Variants in RBFOX1 observed in about 807,000 individuals in gnomAD.
RBFOX1 encodes the protein RNA binding protein fox-1 homolog 1.
RBFOX1 carries 8 observed loss-of-function variants against 57.7 expected under a neutral mutation model. The ratio of observed to expected loss-of-function variants is 0.14; its 90% CI spans 0.08 to 0.25. The LOEUF (loss-of-function observed/expected upper bound fraction) is 0.25. Among genes scored for constraint, RBFOX1 ranks in the 10% least tolerant of loss-of-function variants. The pLI is 1.00. For synonymous variants in RBFOX1, 326 were observed against 222.4 expected, an observed-to-expected ratio of 1.47 and a Z score of -4.15; for missense variants, 611 against 548.5, an observed-to-expected ratio of 1.11 and a Z score of -1.14.
chr16:7,393,695 A>C (rs899779868), intron 4 of RBFOX1, among the ~76,000 whole-genome samples: 5 of 152,058 alleles, frequency 3.3e-5, no homozygotes, highest in Non-Finnish European at 7.4e-5. Context: ...TATTTCACTG[A>C]GTCTTATCCC....
intron 2 of RBFOX1, among the ~76,000 whole-genome samples, chr16:6,434,570 C>A (rs938689698): frequency 6.6e-6 from 1 of 152,164 alleles, no homozygotes; most frequent in Non-Finnish European, 1.5e-5. Context: ...GAAGCAACTT[C>A]TAAAATAGAA....
intron 3 of RBFOX1, among the ~76,000 whole-genome samples, chr16:6,696,527 G>C (rs762286884): frequency 1.3e-5 from 2 of 152,154 alleles, no homozygotes; most frequent in Non-Finnish European, 2.9e-5. Context: ...ATTAGATGGA[G>C]AACTTCAAAT....
intron 3 of RBFOX1, among the ~76,000 whole-genome samples, chr16:6,808,734 C>G (rs570162314): frequency 1.3e-5 from 2 of 152,238 alleles, no homozygotes; most frequent in South Asian, 4.2e-4. Flanking sequence ...CTGTTCTTTT[C>G]TCCACAGACA....
chr16:7,691,286 G>A (rs1287680388), intron 14 of RBFOX1, among the ~76,000 whole-genome samples: 2 of 151,818 alleles, frequency 1.3e-5, no homozygotes, highest in African/African-American at 2.4e-5. Context: ...GTCAAAGGGA[G>A]TAGTCCCTTT....
At chr16:5,751,616 C>G (rs1453994281) in intron 3 of RBFOX1, among the ~76,000 whole-genome samples, 2 of 152,124 alleles carry the variant, frequency 1.3e-5, no homozygotes, top group Admixed American at 1.3e-4. Flanking sequence ...TACTGGAGAG[C>G]AGAACCGCAT....
chr16:5,855,938 T>C (rs914373390), intron 3 of RBFOX1, among the ~76,000 whole-genome samples: 11 of 149,740 alleles, frequency 7.3e-5, no homozygotes, highest in Middle Eastern at 3.5e-3. Context: ...TACACGTCTT[T>C]CAACTCTTTG....
At chr16:5,863,280 C>G (rs900056382) in intron 3 of RBFOX1, among the ~76,000 whole-genome samples, 1 of 152,218 alleles carries the variant, frequency 6.6e-6, no homozygotes, top group Non-Finnish European at 1.5e-5. Context: ...TGGAACAAAG[C>G]TTTCAAGAGA....
In RBFOX1 at chr16:6,489,212, T is replaced by C. The variant is rs551760086; in HGVS notation, c.-63-165391T>C. 8.5e-5 allele frequency among the ~76,000 whole-genome samples: 13 copies of C among 152,320 alleles called. No homozygotes were observed. The South Asian group carries it at 2.7e-3, about 32-fold the overall frequency. ...AGAAGAGAAATGTAACGTCACTAAATGAATAATGGAAGAGCAATTCTAACA... is the reference window on the plus strand; with the variant it reads ...AGAAGAGAAATGTAACGTCACTAAACGAATAATGGAAGAGCAATTCTAACA... On this transcript the variant is annotated intron_variant, in intron 2 of 15. Coordinates refer to ENST00000550418, the MANE Select transcript of RBFOX1 (RefSeq NM_018723.4).
chr16:5,779,641 C>T (rs2054263710), intron 3 of RBFOX1, among the ~76,000 whole-genome samples: 1 of 152,118 alleles, frequency 6.6e-6, no homozygotes, highest in African/African-American at 2.4e-5. Flanking sequence ...TTCTCCTGGG[C>T]TCATTGTGGA....
At chr16:5,546,200 A>C (rs1031721260) in intron 2 of RBFOX1, among the ~76,000 whole-genome samples, 5 of 152,206 alleles carry the variant, frequency 3.3e-5, no homozygotes, top group Non-Finnish European at 7.4e-5. Flanking sequence ...AGAGACGATT[A>C]CAAGTCAGAA....
At position 6,393,586 on chromosome 16, in the gene RBFOX1, A is replaced by G. The variant is rs1013096970; in HGVS notation, c.-64+76529A>G. Among the ~76,000 whole-genome samples, 11 of 152,194 alleles carry G rather than the reference A, an allele frequency of 7.2e-5. No individual in the cohort carries two copies. The East Asian group carries it at 1.2e-3, about 16-fold the overall frequency. On this transcript the variant is annotated intron_variant, in intron 2 of 15. Transcript: ENST00000550418. ...CTGCACCCTTCTCAGTTCCCTTTCA[A>G]TCTTGGGGTATCTCCCCTTTCTGAG... is the stretch of plus-strand genomic sequence containing the variant.
chr16:7,029,081 T>TATATAC (rs1356233922), intron 3 of RBFOX1, among the ~76,000 whole-genome samples: 2 of 47,954 alleles, frequency 4.2e-5, no homozygotes, highest in Admixed American at 2.5e-4. Flanking sequence ...TATATATATA[T>TATATAC]ACACACACAC....
intron 2 of RBFOX1, among the ~76,000 whole-genome samples, chr16:6,541,520 T>G (rs1173105650): frequency 6.6e-6 from 1 of 152,168 alleles, no homozygotes; most frequent in Non-Finnish European, 1.5e-5. Context: ...GGTGACGTAG[T>G]AGTACCTGAG....
At chr16:7,193,316 G>A (rs1253989443) in intron 4 of RBFOX1, among the ~76,000 whole-genome samples, 2 of 152,170 alleles carry the variant, frequency 1.3e-5, no homozygotes, top group Non-Finnish European at 2.9e-5. Context: ...CTAGAGTCTA[G>A]AAAAGGCAAG....
chr16:5,690,653 A>T (rs1305242129), intron 3 of RBFOX1, among the ~76,000 whole-genome samples: 1 of 152,174 alleles, frequency 6.6e-6, no homozygotes, highest in Admixed American at 6.5e-5. Context: ...CCAAAATCTT[A>T]ACGGAAGATT....
At chr16:6,805,625 A>G (rs1051887403) in intron 3 of RBFOX1, among the ~76,000 whole-genome samples, 1 of 149,952 alleles carries the variant, frequency 6.7e-6, no homozygotes, top group Non-Finnish European at 1.5e-5. Flanking sequence ...TATTCCTGGT[A>G]TCTCTTCGAG....
intron 4 of RBFOX1, among the ~76,000 whole-genome samples, chr16:7,509,382 GC>G (rs2152009294): frequency 6.9e-6 from 1 of 145,816 alleles, no homozygotes; most frequent in Non-Finnish European, 1.5e-5. Context: ...TGTACTAGGA[GC>G]CAAGCCCTGT....
At chr16:6,643,934 T>C (rs891299827) in intron 2 of RBFOX1, among the ~76,000 whole-genome samples, 1 of 152,080 alleles carries the variant, frequency 6.6e-6, no homozygotes, top group African/African-American at 2.4e-5. Flanking sequence ...GAGACCAGCC[T>C]GGCCAACATG....
intron 11 of RBFOX1, among the ~76,000 whole-genome samples, chr16:7,636,821 G>A (rs62013667): frequency 2.7e-5 from 4 of 145,902 alleles, no homozygotes; most frequent in African/African-American, 7.3e-5. Context: ...GTTTTCACAA[G>A]AGAGAGACAG....
Sources: gnomAD v4.1 joint callset for allele counts (sites outside exome capture counted in the v4.1 genomes callset) on GRCh38, gnomAD v4.1.1 for gene constraint, MANE v1.5 for transcripts, NCBI Gene and HGNC (gene_info 2026-07-23, HGNC 2026-07-21) for gene names.